Variants in SGCZ observed in about 807,000 individuals in gnomAD.
SGCZ encodes sarcoglycan zeta, also known as zeta-sarcoglycan.
A neutral mutation model predicts 41.3 loss-of-function variants in SGCZ; 40 were observed. The observed-to-expected ratio is 0.97, with a 90% CI of 0.75 to 1.26. The LOEUF is 1.26. Among genes scored for constraint, SGCZ ranks in the 50% most tolerant of loss-of-function variants. SGCZ has a pLI of 0.00. For synonymous variants in SGCZ, 206 were observed against 137.5 expected (o/e 1.50, Z -3.49); for missense variants, 552 against 369.8 (o/e 1.49, Z -4.04).
intron 3 of SGCZ, among the ~76,000 whole-genome samples, chr8:14,311,433 G>A (rs147414077): frequency 2.0e-3 from 301 of 152,190 alleles, no homozygotes; most frequent in Non-Finnish European, 3.5e-3. Flanking sequence ...GAGGATATGG[G>A]TGCTGAGTCA....
intron 2 of SGCZ, among the ~76,000 whole-genome samples, chr8:14,355,164 G>A (rs1278727683): frequency 1.3e-5 from 2 of 151,842 alleles, no homozygotes; most frequent in Non-Finnish European, 2.9e-5. Context: ...CATTCCCAAA[G>A]TGTTTGTGTA....
intron 1 of SGCZ, among the ~76,000 whole-genome samples, chr8:14,860,708 GAGAAAGAAAGAA>G (rs10532441): frequency 9.7e-4 from 129 of 132,764 alleles, no homozygotes; most frequent in Non-Finnish European, 1.4e-3. Flanking sequence ...AAGAAAGAAA[GAGAAAGAAAGAA>G]AGAAAGAAAG....
chr8:14,651,948 TA>T (rs1006411255), intron 1 of SGCZ, among the ~76,000 whole-genome samples: 4 of 150,438 alleles, frequency 2.7e-5, no homozygotes, highest in East Asian at 2.0e-4. Flanking sequence ...AGTTTACATT[TA>T]AAAAAAAAGC....
At chr8:14,714,142 T>C (rs1809612374) in intron 1 of SGCZ, among the ~76,000 whole-genome samples, 1 of 152,088 alleles carries the variant, frequency 6.6e-6, no homozygotes, top group Admixed American at 6.6e-5. Context: ...TAATTTTTTG[T>C]ATCTTTAGTA....
At chr8:14,349,369 T>A (rs999188292) in intron 2 of SGCZ, among the ~76,000 whole-genome samples, 5 of 152,104 alleles carry the variant, frequency 3.3e-5, no homozygotes, top group Non-Finnish European at 7.4e-5. Context: ...AATGTTGTGC[T>A]CCCCTTTTAT....
intron 5 of SGCZ, among the ~76,000 whole-genome samples, chr8:14,142,121 A>G (rs888443386): frequency 2.0e-5 from 3 of 152,156 alleles, no homozygotes; most frequent in Non-Finnish European, 4.4e-5. Context: ...GAACAATGAG[A>G]GCACTTGGAC....
intron 2 of SGCZ, among the ~76,000 whole-genome samples, chr8:14,537,937 G>A (rs1268639454): frequency 6.6e-6 from 1 of 151,832 alleles, no homozygotes; most frequent in African/African-American, 2.4e-5. Flanking sequence ...TCTTTCGTTT[G>A]CTTTGCTTTG....
At chr8:14,393,637 G>C (rs150496928) in intron 2 of SGCZ, among the ~76,000 whole-genome samples, 1 of 149,902 alleles carries the variant, frequency 6.7e-6, no homozygotes, top group Admixed American at 6.6e-5. Context: ...TTTCTCCATA[G>C]AGAAAGCTGT....
chr8:15,094,205 G>A (rs115739369), intron 1 of SGCZ, among the ~76,000 whole-genome samples: 1,623 of 152,046 alleles, frequency 0.011, 35 homozygotes, highest in African/African-American at 0.038. Context: ...TGTGATCTTG[G>A]CTCACTGCTA....
chr8:14,599,543 T>C (rs914358577), intron 1 of SGCZ, among the ~76,000 whole-genome samples: 16 of 152,184 alleles, frequency 1.1e-4, no homozygotes, highest in African/African-American at 3.9e-4. Context: ...CTACTCATGC[T>C]GGTTTCTCTC....
chr8:15,087,871 T>C (rs1017224547), intron 1 of SGCZ, among the ~76,000 whole-genome samples: 2 of 152,168 alleles, frequency 1.3e-5, no homozygotes, highest in Non-Finnish European at 2.9e-5. Context: ...AGGCATAGTA[T>C]GCATGTATTA....
intron 1 of SGCZ, 89 bp from the exon 2 acceptor site, chr8:14,555,015 A>T: frequency 2.5e-6 from 3 of 1,182,800 alleles, no homozygotes; most frequent in Non-Finnish European, 3.6e-6. Context: ...AAACAAAAGA[A>T]CAATGTACGT....
At chr8:14,096,744 T>A (rs1452381288) in intron 7 of SGCZ, among the ~76,000 whole-genome samples, 1 of 152,156 alleles carries the variant, frequency 6.6e-6, no homozygotes, top group Non-Finnish European at 1.5e-5. Flanking sequence ...AGAACTTTTT[T>A]TGGTTGGTAG....
intron 1 of SGCZ, among the ~76,000 whole-genome samples, chr8:14,731,377 G>A (rs560831162): frequency 5.4e-4 from 80 of 146,940 alleles, no homozygotes; most frequent in African/African-American, 2.0e-3. Flanking sequence ...ACACACTGGG[G>A]TCTGTCAGGG....
intron 1 of SGCZ, among the ~76,000 whole-genome samples, chr8:14,579,836 G>A (rs1407364874): frequency 6.6e-6 from 1 of 152,136 alleles, no homozygotes; most frequent in South Asian, 2.1e-4. Context: ...TCTAGGTTAG[G>A]TGCAGTTCTA....
chr8:14,931,463 T>C (rs1350604987), intron 1 of SGCZ, among the ~76,000 whole-genome samples: 2 of 152,072 alleles, frequency 1.3e-5, no homozygotes, highest in African/African-American at 4.8e-5. Context: ...GAGACCCATC[T>C]GTACATTATT....
intron 1 of SGCZ, among the ~76,000 whole-genome samples, chr8:14,838,342 C>A (rs935033849): frequency 6.6e-6 from 1 of 152,158 alleles, no homozygotes; most frequent in Non-Finnish European, 1.5e-5. Context: ...TGAGAGACTG[C>A]CCCTCCTATA....
intron 1 of SGCZ, among the ~76,000 whole-genome samples, chr8:14,640,919 G>C (rs142310323): frequency 4.5e-4 from 68 of 151,746 alleles, no homozygotes; most frequent in African/African-American, 1.6e-3. Context: ...TGGAAATGTG[G>C]TTATGAATAA....
chr8:14,118,867 G>T (rs1232957713), intron 5 of SGCZ, among the ~76,000 whole-genome samples: 1 of 152,158 alleles, frequency 6.6e-6, no homozygotes, highest in Non-Finnish European at 1.5e-5. Flanking sequence ...AGATCAGATG[G>T]TTGTGGATGT....
Sources: gnomAD v4.1 joint callset for allele counts (sites outside exome capture counted in the v4.1 genomes callset) on GRCh38, gnomAD v4.1.1 for gene constraint, MANE v1.5 for transcripts, NCBI Gene and HGNC (gene_info 2026-07-23, HGNC 2026-07-21) for gene names.